DYNC1I1: variants seen among roughly 807,000 people sequenced by gnomAD.
The protein encoded by DYNC1I1 is dynein cytoplasmic 1 intermediate chain 1.
A neutral mutation model predicts 86.6 loss-of-function variants in DYNC1I1; 43 were observed. The ratio of observed to expected loss-of-function variants is 0.50; its 90% CI spans 0.39 to 0.64. DYNC1I1 has a LOEUF of 0.64. DYNC1I1 is among the 30% of genes least tolerant of loss of function. DYNC1I1 has a pLI of 0.00. For synonymous variants in DYNC1I1, 262 were observed against 283.7 expected (o/e 0.92, Z 0.77); for missense variants, 604 against 788.8 (o/e 0.77, Z 2.81).
chr7:95,813,468 A>C (rs1794879223), intron 4 of DYNC1I1, 131 bp downstream of exon 4: 4 of 1,177,076 alleles, frequency 3.4e-6, no homozygotes. Flanking sequence ...CTTATGTTTA[A>C]ATTTATGGTG....
chr7:95,994,664 A>G (rs892099942), intron 9 of DYNC1I1, among the ~76,000 whole-genome samples: 1 of 152,174 alleles, frequency 6.6e-6, no homozygotes, highest in Non-Finnish European at 1.5e-5. Flanking sequence ...ATGACAGATT[A>G]TTAAGGATCC....
chr7:95,934,426 G>A (rs1268363448), intron 6 of DYNC1I1, among the ~76,000 whole-genome samples: 2 of 152,100 alleles, frequency 1.3e-5, no homozygotes, highest in Non-Finnish European at 2.9e-5. Context: ...TAATTCTTAA[G>A]GCTTCCATTA....
intron 10 of DYNC1I1, among the ~76,000 whole-genome samples, chr7:95,998,449 G>A (rs1793926036): frequency 6.6e-6 from 1 of 152,206 alleles, no homozygotes; most frequent in Non-Finnish European, 1.5e-5. Flanking sequence ...AGATCCCACA[G>A]AATTAAAATG....
In DYNC1I1 at chr7:95,838,147, A is replaced by G. The variant is rs932868401; in HGVS notation, c.374+10031A>G. 2.0e-5 allele frequency among the ~76,000 whole-genome samples: 3 copies of G among 152,160 alleles called. No individual in the cohort carries two copies. The East Asian group carries it at 5.8e-4, about 29-fold the overall frequency. On this transcript the variant is annotated intron_variant, in intron 5 of 16. Transcript: ENST00000447467. The stretch of plus-strand genomic sequence containing the variant: ...AATCTCATTTCTTACATTTTCTTTT[A>G]GGAGTTGTATAGTTGCAGGTCTTAC...
chr7:96,035,899 C>T, intron 13 of DYNC1I1, 147 bp downstream of exon 13: 1 of 1,323,504 alleles, frequency 7.6e-7, no homozygotes, highest in Non-Finnish European at 1.0e-6. Context: ...TCTTAAAGAG[C>T]TGCATCTGCT....
intron 6 of DYNC1I1, among the ~76,000 whole-genome samples, chr7:95,957,196 C>A (rs1792739427): frequency 1.3e-5 from 2 of 152,138 alleles, no homozygotes; most frequent in African/African-American, 4.8e-5. Context: ...AATATTACTA[C>A]CAGAAATTCC....
intron 6 of DYNC1I1, among the ~76,000 whole-genome samples, chr7:95,900,756 A>C (rs1279242997): frequency 3.3e-5 from 5 of 152,204 alleles, no homozygotes; most frequent in African/African-American, 1.2e-4. Flanking sequence ...TTTCTCAAAA[A>C]AATCCTAGCA....
At chr7:96,006,356 G>T (rs550542483) in intron 10 of DYNC1I1, among the ~76,000 whole-genome samples, 2 of 152,188 alleles carry the variant, frequency 1.3e-5, no homozygotes, top group African/African-American at 4.8e-5. Context: ...GTGCTCAGAG[G>T]AGAGAAAACC....
At chr7:95,857,725 C>T (rs369258625) in intron 5 of DYNC1I1, among the ~76,000 whole-genome samples, 12 of 152,220 alleles carry the variant, frequency 7.9e-5, no homozygotes, top group East Asian at 1.9e-4. Flanking sequence ...AGGTTTCATC[C>T]GTATTGAAGA....
chr7:95,785,775 GTATATATATATATA>G (rs200152096), intron 1 of DYNC1I1, among the ~76,000 whole-genome samples: 21,027 of 125,014 alleles, frequency 0.17, 2,121 homozygotes, highest in South Asian at 0.32. Context: ...GTGTGTATGT[GTATATATATATATA>G]TATATATATA....
intron 6 of DYNC1I1, among the ~76,000 whole-genome samples, chr7:95,941,192 G>A (rs1792204816): frequency 6.6e-6 from 1 of 152,022 alleles, no homozygotes; most frequent in South Asian, 2.1e-4. Context: ...GCTGTGTGAG[G>A]TGTCAGTCTG....
chr7:95,889,934 T>C (rs1206704942), intron 6 of DYNC1I1, among the ~76,000 whole-genome samples: 1 of 152,034 alleles, frequency 6.6e-6, no homozygotes, highest in Admixed American at 6.6e-5. Context: ...TATTAAAAGG[T>C]CAAAAACTAA....
chr7:95,827,170 C>T lies in DYNC1I1; in HGVS notation c.315-887C>T, dbSNP rs547697244. 1.1e-4 allele frequency among the ~76,000 whole-genome samples: 16 copies of T among 152,292 alleles called. No individual in the cohort carries two copies. In the East Asian group the frequency reaches 2.5e-3, roughly 24 times the overall value. ...ATTAAACAGCACGCTCAATGTCACA[C>T]AGCTGGTAAGTCACAGAGGTAAGAT... is the stretch of plus-strand genomic sequence containing the variant. On this transcript the variant is annotated intron_variant, in intron 4 of 16. Coordinates refer to ENST00000447467, the MANE Select transcript of DYNC1I1 (RefSeq NM_001135556.2).
In DYNC1I1 at chr7:95,985,738, A is replaced by C. The variant is rs562742926; in HGVS notation, c.743+761A>C. Among the ~76,000 whole-genome samples, 4 of 152,160 alleles carry C rather than the reference A, an allele frequency of 2.6e-5. No homozygotes were observed. The South Asian group carries it at 8.3e-4, about 32-fold the overall frequency. ...AGGCCTGATTTTTTTTGCCATTTCT[A>C]AAATCCAAATACATTCTTAAAGGAC... On this transcript the variant is annotated intron_variant, in intron 8 of 16. Coordinates refer to ENST00000447467, the MANE Select transcript of DYNC1I1 (RefSeq NM_001135556.2).
intron 6 of DYNC1I1, 74 bp from the exon 7 acceptor site, chr7:95,977,437 CT>C (rs1242256591): frequency 7.1e-7 from 1 of 1,410,254 alleles, no homozygotes; most frequent in Non-Finnish European, 9.7e-7. Flanking sequence ...CCCTTTACCC[CT>C]ACCTCCCACT....
intron 6 of DYNC1I1, among the ~76,000 whole-genome samples, chr7:95,889,990 T>C (rs1562934799): frequency 3.9e-5 from 6 of 152,172 alleles, no homozygotes. Flanking sequence ...TTACACACTG[T>C]TGGTGGGAGT....
intron 6 of DYNC1I1, among the ~76,000 whole-genome samples, chr7:95,970,473 A>G (rs1584211826): frequency 6.6e-6 from 1 of 152,330 alleles, no homozygotes; most frequent in East Asian, 1.9e-4. Flanking sequence ...CCGAATCTGC[A>G]CAAAGGGTGT....
chr7:95,799,884 T>C (rs1794536846), intron 1 of DYNC1I1, among the ~76,000 whole-genome samples: 1 of 151,816 alleles, frequency 6.6e-6, no homozygotes, highest in Non-Finnish European at 1.5e-5. Flanking sequence ...GTTATTGAAT[T>C]AGGGTGCAAT....
At chr7:95,822,796 CA>C (rs1358482516) in intron 4 of DYNC1I1, among the ~76,000 whole-genome samples, 2 of 152,284 alleles carry the variant, frequency 1.3e-5, no homozygotes, top group East Asian at 3.9e-4. Context: ...GATGGTTCCC[CA>C]GCGGGGAATA....
Sources: gnomAD v4.1 joint callset for allele counts (sites outside exome capture counted in the v4.1 genomes callset) on GRCh38, gnomAD v4.1.1 for gene constraint, MANE v1.5 for transcripts, NCBI Gene and HGNC (gene_info 2026-07-23, HGNC 2026-07-21) for gene names.